The following TRIT1 variants were observed in gnomAD, a reference collection of about 807,000 sequenced individuals.
TRIT1 encodes the protein tRNA dimethylallyltransferase.
A neutral mutation model predicts 51.2 loss-of-function variants in TRIT1; 43 were observed. The ratio of observed to expected loss-of-function variants is 0.84; its 90% CI spans 0.66 to 1.08. The LOEUF (loss-of-function observed/expected upper bound fraction) is 1.08, where lower values mean the gene tolerates loss of function less well. Ranked by LOEUF, TRIT1 falls within the 50% of genes least tolerant of loss-of-function variation. The probability of loss-of-function intolerance (pLI) is 0.00; values close to 1 mark genes in which losing one functional copy is unlikely to be tolerated. For missense variants in TRIT1, 528 were observed against 578.4 expected (o/e 0.91, Z 0.89); for synonymous variants, 184 against 203.9 (o/e 0.90, Z 0.83).
intron 10 of TRIT1, among the ~76,000 whole-genome samples, chr1:39,842,870 A>G (rs1641995890): frequency 6.6e-6 from 1 of 152,180 alleles, no homozygotes; most frequent in Non-Finnish European, 1.5e-5. Flanking sequence ...CTAGAGCCTA[A>G]GGCAAAAAAC....
chr1:39,848,470 C>T (rs745505687), intron 5 of TRIT1, among the ~76,000 whole-genome samples: 6 of 151,448 alleles, frequency 4.0e-5, no homozygotes, highest in Non-Finnish European at 8.8e-5. Flanking sequence ...CTTAGTGTTA[C>T]TTTATGTTTA....
At chr1:39,846,982 C>T in intron 8 of TRIT1, 1 of 402,444 alleles carries the variant, frequency 2.5e-6, no homozygotes, top group East Asian at 3.8e-5. Flanking sequence ...CTGTTTGCAG[C>T]CAGTATCCAT....
At position 39,839,107 on chromosome 1, in the gene TRIT1, G is replaced by A. The variant is rs1652477658; in HGVS notation, c.*2637C>T. On this transcript the variant is annotated 3_prime_UTR_variant, in exon 11 of 11. Transcript: ENST00000316891. The stretch of plus-strand genomic sequence containing the variant: ...CTGACAGAAGCAGATGAACCTAATA[G>A]CTCACTGAGTATTGGAATTAATTGC... Among the ~76,000 whole-genome samples, 1 of 152,158 alleles carries A rather than the reference G, an allele frequency of 6.6e-6. No individual in the cohort carries two copies. The highest frequency in any genetic ancestry group is 1.5e-5 in the Non-Finnish European group (1 of 68,034).
At chr1:39,847,409 A>G (rs572543882) in intron 7 of TRIT1, 112 bp from the exon 8 acceptor site, 54 of 1,428,988 alleles carry the variant, frequency 3.8e-5, no homozygotes, top group Middle Eastern at 3.6e-4. Context: ...GCAATGTCAG[A>G]CTTGGTGGAC....
intron 6 of TRIT1, 69 bp downstream of exon 6, chr1:39,847,917 T>C (rs1020513401): frequency 1.6e-5 from 23 of 1,458,404 alleles, no homozygotes; most frequent in Non-Finnish European, 2.0e-5. Context: ...AAAGCCAGTA[T>C]TAGCGTTATG....
chr1:39,846,350 C>T (rs1021268956), intron 8 of TRIT1, among the ~76,000 whole-genome samples: 13 of 152,156 alleles, frequency 8.5e-5, no homozygotes, highest in Non-Finnish European at 1.6e-4. Context: ...AAAAGGTAAA[C>T]ACAAGATGAT....
rs139691054 is a variant in TRIT1, at chr1:39,856,059, C to A, written c.315+1218G>T. 3.5e-3 allele frequency among the ~76,000 whole-genome samples: 529 copies of A among 151,546 alleles called. 1 individual carries two copies. Among genetic ancestry groups the A allele is most frequent in the African/African-American group, 0.012 (484 of 41,352 alleles). ...TGGTGGCTCATGCCTGTTATCCCAG[C>A]ACTTTGGAAGGCCGAGGCAGGTGGA... is the stretch of plus-strand genomic sequence containing the variant. On this transcript the variant is annotated intron_variant, in intron 2 of 10. Coordinates refer to ENST00000316891, the MANE Select transcript of TRIT1 (RefSeq NM_017646.6).
At chr1:39,878,925 T>C (rs1644154102) in intron 1 of TRIT1, among the ~76,000 whole-genome samples, 1 of 152,194 alleles carries the variant, frequency 6.6e-6, no homozygotes, top group South Asian at 2.1e-4. Context: ...AATACATCTT[T>C]TTCCTGATCA....
rs1053797131 is a variant in TRIT1, at chr1:39,840,269, C to A, written c.*1475G>T. Among the ~76,000 whole-genome samples the A allele has an allele frequency of 6.6e-6, 1 of 152,124 alleles. No homozygotes were observed. Among genetic ancestry groups the A allele is most frequent in the African/African-American group, 2.4e-5 (1 of 41,426 alleles). ...ATAAATTTATTTTTGAGATTCAAAT[C>A]AGTTAAAAGTGGGTGAGGCTCTGGA... is the stretch of plus-strand genomic sequence containing the variant. On this transcript the variant is annotated 3_prime_UTR_variant, in exon 11 of 11. Transcript: ENST00000316891.
At chr1:39,865,687 A>AAG (rs1553144721) in intron 1 of TRIT1, among the ~76,000 whole-genome samples, 162 of 147,048 alleles carry the variant, frequency 1.1e-3, no homozygotes, top group East Asian at 3.9e-3. Context: ...AAAAAAAAAA[A>AAG]AAAGAAAAGA....
At chr1:39,867,300 C>T (rs960823076) in intron 1 of TRIT1, among the ~76,000 whole-genome samples, 2 of 152,144 alleles carry the variant, frequency 1.3e-5, no homozygotes, top group African/African-American at 4.8e-5. Flanking sequence ...CATCCACCAC[C>T]ATGCCTGGCT....
chr1:39,859,664 TCTC>T (rs1023919426), intron 1 of TRIT1, among the ~76,000 whole-genome samples: 20 of 152,266 alleles, frequency 1.3e-4, no homozygotes, highest in Admixed American at 7.2e-4. Context: ...CCTCTCTCTC[TCTC>T]TTTTTCTCAC....
chr1:39,881,170 G>A (rs1460772183), intron 1 of TRIT1, among the ~76,000 whole-genome samples: 1 of 148,790 alleles, frequency 6.7e-6, no homozygotes, highest in Non-Finnish European at 1.5e-5. Context: ...AGGTTGCAGT[G>A]AGCCAAGATC....
intron 4 of TRIT1, 110 bp downstream of exon 4, chr1:39,852,621 A>G (rs1019783068): frequency 1.0e-5 from 14 of 1,354,834 alleles, no homozygotes; most frequent in South Asian, 4.2e-5. Context: ...CAACACATCA[A>G]TCTCCACTAA....
At chr1:39,852,528 TG>T in intron 4 of TRIT1, 1 of 629,016 alleles carries the variant, frequency 1.6e-6, no homozygotes, top group South Asian at 2.1e-5. Context: ...GCATTTAAAA[TG>T]TAACAAAGTA....
At chr1:39,882,260 G>A (rs1644288690) in intron 1 of TRIT1, among the ~76,000 whole-genome samples, 1 of 152,244 alleles carries the variant, frequency 6.6e-6, no homozygotes, top group South Asian at 2.1e-4. Flanking sequence ...CATGTGTGCT[G>A]ATGGTCTTGT....
rs1402714332 is a variant in TRIT1, at chr1:39,863,605, T to C, written c.175-6188A>G. On this transcript the variant is annotated intron_variant, in intron 1 of 10. Transcript: ENST00000316891. ...GGGCATTATAGAAAAATATACCACTTTGTTGCACCTCTATTGATGGTTTAT... is the reference window on the plus strand; with the variant it reads ...GGGCATTATAGAAAAATATACCACTCTGTTGCACCTCTATTGATGGTTTAT... 2.0e-5 allele frequency among the ~76,000 whole-genome samples: 3 copies of C among 152,078 alleles called. No individual in the cohort carries two copies. The East Asian group carries it at 5.8e-4, about 29-fold the overall frequency.
intron 1 of TRIT1, 108 bp from the exon 2 acceptor site, chr1:39,857,525 G>A: frequency 7.9e-7 from 1 of 1,261,112 alleles, no homozygotes; most frequent in Admixed American, 2.2e-5. Flanking sequence ...ACACTTCACT[G>A]ACCCAAAGCA....
intron 1 of TRIT1, chr1:39,862,694 C>T (rs915839464): frequency 8.5e-6 from 7 of 824,098 alleles, no homozygotes; most frequent in Non-Finnish European, 1.0e-5. Flanking sequence ...TAGGTCACAT[C>T]CATGCTCTAA....
Sources: gnomAD v4.1 joint callset for allele counts (sites outside exome capture counted in the v4.1 genomes callset) on GRCh38, gnomAD v4.1.1 for gene constraint, MANE v1.5 for transcripts, NCBI Gene and HGNC (gene_info 2026-07-23, HGNC 2026-07-21) for gene names.